PHACTR2: variants seen among roughly 807,000 people sequenced by gnomAD.
PHACTR2 encodes the protein phosphatase and actin regulator 2.
A neutral mutation model predicts 76.0 loss-of-function variants in PHACTR2; 30 were observed. The ratio of observed to expected loss-of-function variants is 0.39; its 90% CI spans 0.30 to 0.54. PHACTR2 has a LOEUF of 0.54. PHACTR2 is among the 20% of genes least tolerant of loss of function. PHACTR2 has a pLI of 0.61. For missense variants in PHACTR2, 696 were observed against 781.1 expected, an observed-to-expected ratio of 0.89 and a Z score of 1.30; for synonymous variants, 292 against 292.5, an observed-to-expected ratio of 1.00 and a Z score of 0.02.
At position 143,570,617 on chromosome 6, in the gene PHACTR2, TC is replaced by T. The variant is rs1359885962; in HGVS notation, c.217+33414del. On this transcript the variant is annotated intron_variant, in intron 1 of 11. Coordinates refer to the PHACTR2 transcript ENST00000367584. This position sits in a 1 kb window ranked among gnomAD's most constrained non-coding sequence, Gnocchi z 4.6. ...ACTCACCCCAGGTGTGGCAGGCCCC[TC>T]CCCACTCTCCTGGGGCTCTCCCTCT... Among the ~76,000 whole-genome samples, 2 of 152,084 alleles carry T rather than the reference TC, an allele frequency of 1.3e-5. No individual in the cohort carries two copies. The highest frequency in any genetic ancestry group is 2.9e-5 in the Non-Finnish European group (2 of 67,984).
At chr6:143,636,585 A>G (rs913101628) in intron 1 of PHACTR2, among the ~76,000 whole-genome samples, 6 of 152,248 alleles carry the variant, frequency 3.9e-5, no homozygotes, top group African/African-American at 1.4e-4. Flanking sequence ...TTGATTCACA[A>G]ATTTAAAATA....
intron 1 of PHACTR2, among the ~76,000 whole-genome samples, chr6:143,584,368 G>T (rs949939094): frequency 3.3e-5 from 5 of 152,216 alleles, no homozygotes; most frequent in Admixed American, 6.5e-5. Flanking sequence ...ACAGGATTGG[G>T]CTTAGCTACT....
upstream of PHACTR2, among the ~76,000 whole-genome samples, chr6:143,604,891 C>CA (rs370249476): frequency 2.1e-3 from 277 of 132,258 alleles, 2 homozygotes; most frequent in East Asian, 3.9e-3. Context: ...GACTCCGTCT[C>CA]AAAAAAAAAA....
intron 1 of PHACTR2, among the ~76,000 whole-genome samples, chr6:143,670,311 T>C (rs1431782612): frequency 6.6e-6 from 1 of 152,174 alleles, no homozygotes; most frequent in Non-Finnish European, 1.5e-5. Flanking sequence ...AATCTGATAA[T>C]TATGTGTCTT....
intron 1 of PHACTR2, among the ~76,000 whole-genome samples, chr6:143,566,129 A>G (rs1775359411): frequency 6.6e-6 from 1 of 150,640 alleles, no homozygotes; most frequent in South Asian, 2.1e-4. Flanking sequence ...TGCCCTGCTA[A>G]TTTTTCTATT....
chr6:143,714,540 C>T (rs900245401), intron 2 of PHACTR2, among the ~76,000 whole-genome samples: 3 of 152,240 alleles, frequency 2.0e-5, no homozygotes, highest in Non-Finnish European at 1.5e-5. Context: ...CATTCTACGT[C>T]TAAAGGACAT....
rs1201566770 is a variant in PHACTR2, at chr6:143,722,349, C to A, written c.214+10166C>A. ...TTTTTTTTTCTATTCTGGCCACTGTCCTCCATGATATCTGGTTTTATACCA... is the reference window on the plus strand; with the variant it reads ...TTTTTTTTTCTATTCTGGCCACTGTACTCCATGATATCTGGTTTTATACCA... On this transcript the variant is annotated intron_variant, in intron 2 of 12. Transcript: ENST00000440869. The surrounding 1 kb of genome is among the most constrained non-coding windows in gnomAD (Gnocchi z 4.1). Among the ~76,000 whole-genome samples, 2 of 151,990 alleles carry A rather than the reference C, an allele frequency of 1.3e-5. No homozygotes were observed. The highest frequency in any genetic ancestry group is 1.9e-4 in the East Asian group (1 of 5,186).
At chr6:143,565,604 CAAAAAA>C (rs556657528) in intron 1 of PHACTR2, among the ~76,000 whole-genome samples, 2 of 105,966 alleles carry the variant, frequency 1.9e-5, no homozygotes, top group Non-Finnish European at 3.9e-5. Flanking sequence ...GACTCCGTCT[CAAAAAA>C]AAAAAAAAAA....
Position 143,595,268 on chromosome 6 carries a change from T to C in PHACTR2, c.217+58061T>C, listed in dbSNP as rs1775735726. Among the ~76,000 whole-genome samples the C allele has an allele frequency of 1.3e-5, 2 of 152,174 alleles. No individual in the cohort carries two copies. Among genetic ancestry groups the C allele is most frequent in the African/African-American group, 2.4e-5 (1 of 41,442 alleles). ...GTCAAATGACACACTAAAGGCTAAT[T>C]AGGTAAAGGGAGAAGTGTACATGAC... On this transcript the variant is annotated intron_variant, in intron 1 of 11. Transcript: ENST00000367584. The surrounding 1 kb of genome is among the most constrained non-coding windows in gnomAD (Gnocchi z 4.2).
chr6:143,564,198 T>TAC (rs1775327001), intron 1 of PHACTR2, among the ~76,000 whole-genome samples: 13 of 70,390 alleles, frequency 1.8e-4, no homozygotes, highest in Admixed American at 2.5e-4. Context: ...TGTGTGTGCA[T>TAC]ATATATATAT....
intron 11 of PHACTR2, among the ~76,000 whole-genome samples, chr6:143,796,266 C>A (rs536868171): frequency 6.6e-6 from 1 of 152,110 alleles, no homozygotes; most frequent in East Asian, 1.9e-4. Flanking sequence ...CTCTCCACAT[C>A]CCATCATAAT....
rs1387407579 is a variant in PHACTR2 at position 143,738,988 on chromosome 6, A to T, written c.215-9997A>T. 6.6e-6 allele frequency among the ~76,000 whole-genome samples: 1 copy of T among 152,194 alleles called. No individual in the cohort carries two copies. The highest frequency in any genetic ancestry group is 2.4e-5 in the African/African-American group (1 of 41,434). ...TCAGGCTCTCTGGAGCTTCTCTTCC[A>T]ATGGCTATTGTTTATGATCTCTTAG... On this transcript the variant is annotated intron_variant, in intron 2 of 12. Coordinates refer to ENST00000440869, the MANE Select transcript of PHACTR2 (RefSeq NM_001100164.2). This position sits in a 1 kb window ranked among gnomAD's most constrained non-coding sequence, Gnocchi z 4.0.
intron 7 of PHACTR2, among the ~76,000 whole-genome samples, chr6:143,773,394 C>T (rs1236936245): frequency 6.6e-6 from 1 of 151,922 alleles, no homozygotes; most frequent in Non-Finnish European, 1.5e-5. Flanking sequence ...ATGGAAAGTG[C>T]TTTTATTTTT....
intron 1 of PHACTR2, among the ~76,000 whole-genome samples, chr6:143,629,863 C>T (rs1374334980): frequency 1.3e-5 from 2 of 152,112 alleles, no homozygotes; most frequent in African/African-American, 2.4e-5. Flanking sequence ...TGTTCTGTGT[C>T]GTGTGTTATT....
Position 143,776,075 on chromosome 6 carries a change from G to T in PHACTR2, c.1590-1253G>T, listed in dbSNP as rs1775266118. On this transcript the variant is annotated intron_variant, in intron 8 of 12. Coordinates refer to ENST00000440869, the MANE Select transcript of PHACTR2 (RefSeq NM_001100164.2). This position sits in a 1 kb window ranked among gnomAD's most constrained non-coding sequence, Gnocchi z 5.3. ...GCAGAGGTTGCAGTGAGCCGAGATT[G>T]TACCACTGCACACCAGCCTGGGCAA... is the stretch of plus-strand genomic sequence containing the variant. 6.6e-6 allele frequency among the ~76,000 whole-genome samples: 1 copy of T among 152,076 alleles called. No homozygotes were observed. The highest frequency in any genetic ancestry group is 1.5e-5 in the Non-Finnish European group (1 of 68,028).
At chr6:143,582,285 T>C (rs1164382286) in intron 1 of PHACTR2, among the ~76,000 whole-genome samples, 34 of 152,046 alleles carry the variant, frequency 2.2e-4, no homozygotes. Flanking sequence ...AGTTCAGAAG[T>C]CAAAATTACA....
intron 11 of PHACTR2, among the ~76,000 whole-genome samples, chr6:143,799,300 C>T (rs978205859): frequency 6.6e-6 from 1 of 152,088 alleles, no homozygotes. Flanking sequence ...GTCTTGCTGG[C>T]AGTCTATCTA....
At chr6:143,677,221 CATT>C (rs1441875218), upstream of PHACTR2, among the ~76,000 whole-genome samples, 1 of 151,954 alleles carries the variant, frequency 6.6e-6, no homozygotes, top group East Asian at 1.9e-4. Context: ...TATATACACA[CATT>C]ATATATATAT....
chr6:143,772,431 A>G lies in PHACTR2; in HGVS notation c.1406A>G (p.Asp469Gly). 1 of 1,614,050 alleles carries G rather than the reference A, an allele frequency of 6.2e-7. No individual in the cohort carries two copies. The highest frequency in any genetic ancestry group is 8.5e-7 in the Non-Finnish European group (1 of 1,179,956). ...TTGTACACCGATGATGAGGACGAAG[A>G]CGAAGATGAGGATGGCAGTGGAGAA... ...PILYTDDEDEDEDEDGSGESA... is the reference protein window; with the variant it reads ...PILYTDDEDEGEDEDGSGESA... Residue 469 changes from aspartate (D) to glycine (G), a missense_variant, in exon 7 of 13, where the codon GAC (aspartate) becomes GGC (glycine). Asp to Gly is a moderately conservative substitution (Grantham distance 94). Around this residue, in one of 2 missense-constraint regions of PHACTR2, gnomAD observed 236 missense variants for 330.2 expected, o/e 0.71. Transcript: ENST00000440869. This position sits in a 1 kb window ranked among gnomAD's most constrained non-coding sequence, Gnocchi z 5.4.
Sources: allele counts gnomAD v4.1 joint callset (sites outside exome capture counted in the v4.1 genomes callset), GRCh38; gene constraint gnomAD v4.1.1; regional missense constraint gnomAD v4.1.1; non-coding constraint Gnocchi (gnomAD v3.1); transcripts MANE v1.5; gene names NCBI Gene and HGNC (gene_info 2026-07-23, HGNC 2026-07-21).